METAP2: variants seen among roughly 807,000 people sequenced by gnomAD.
METAP2 encodes the protein methionyl aminopeptidase 2.
A neutral mutation model predicts 59.4 loss-of-function variants in METAP2; 25 were observed. That is an observed-to-expected ratio of 0.42 (90% CI 0.31 to 0.59). The LOEUF is 0.59. METAP2 is among the 20% of genes least tolerant of loss of function. The pLI, the probability that METAP2 is intolerant of heterozygous loss-of-function variation, is 0.16. For missense variants in METAP2, 366 were observed against 581.2 expected, an observed-to-expected ratio of 0.63 and a Z score of 3.81; for synonymous variants, 214 against 194.1, an observed-to-expected ratio of 1.10 and a Z score of -0.85.
intron 2 of METAP2, chr12:95,482,256 C>T (rs77070800): frequency 0.045 from 18,881 of 420,672 alleles, 1,025 homozygotes; most frequent in Admixed American, 0.17. Flanking sequence ...GGACTATGGG[C>T]GCATACCACC....
At chr12:95,490,348 G>A (rs1431773287) in intron 4 of METAP2, among the ~76,000 whole-genome samples, 2 of 144,094 alleles carry the variant, frequency 1.4e-5, no homozygotes, top group East Asian at 2.0e-4. Context: ...TGTATATACA[G>A]TATCCTTTTC....
rs538599264 is a variant in METAP2, at chr12:95,494,753, ATCAAATTCCTTGTCT to A, written c.591-201_591-187del. Among the ~76,000 whole-genome samples the A allele has an allele frequency of 1.5e-3, 222 of 152,268 alleles. 1 individual carries two copies. Among genetic ancestry groups the A allele is most frequent in the African/African-American group, 5.1e-3 (210 of 41,530 alleles). On this transcript the variant is annotated intron_variant, in intron 5 of 10. Coordinates refer to ENST00000323666, the MANE Select transcript of METAP2 (RefSeq NM_006838.4). ...TGTGTTTCTCTGACTTTCTAGCAGAATCAAATTCCTTGTCTTCTAAAGATATGCTATTTTCATAGC... is the reference window on the plus strand; with the variant it reads ...TGTGTTTCTCTGACTTTCTAGCAGAATCTAAAGATATGCTATTTTCATAGC...
intron 1 of METAP2, among the ~76,000 whole-genome samples, chr12:95,474,993 C>T (rs2076107400): frequency 6.6e-6 from 1 of 152,110 alleles, no homozygotes; most frequent in Admixed American, 6.6e-5. Flanking sequence ...CAATTGCAGG[C>T]AGTGCAGATA....
At chr12:95,510,023 G>A (rs569621457) in intron 8 of METAP2, among the ~76,000 whole-genome samples, 1 of 152,186 alleles carries the variant, frequency 6.6e-6, no homozygotes, top group East Asian at 1.9e-4. Flanking sequence ...TTTTAGTAGA[G>A]ATGGGGTTTC....
intron 7 of METAP2, 97 bp downstream of exon 7, chr12:95,496,195 T>G (rs2076274272): frequency 1.4e-6 from 1 of 695,714 alleles, no homozygotes; most frequent in Non-Finnish European, 2.4e-6. Flanking sequence ...AAGGCCTGTT[T>G]AAGGGCTTTG....
In METAP2 at chr12:95,496,054, AC is replaced by A; in HGVS notation, c.824del (p.Thr275SerfsTer3). ...FTVTFNPKYD[T>X]LLKAVKDATN... ...TGTCACTTTTAATCCCAAATATGAT[AC>A]GTTATTAAAAGCTGTAAAAGATGCT... On this transcript the variant is annotated frameshift_variant, in exon 7 of 11. Transcript: ENST00000323666. LOFTEE classifies it high-confidence loss of function. 6.2e-7 allele frequency: 1 copy of A among 1,600,462 alleles called. No homozygotes were observed. Among genetic ancestry groups the A allele is most frequent in the Non-Finnish European group, 8.5e-7 (1 of 1,170,082 alleles).
intron 4 of METAP2, among the ~76,000 whole-genome samples, chr12:95,492,607 C>T (rs2076247303): frequency 6.7e-6 from 1 of 150,146 alleles, no homozygotes; most frequent in South Asian, 2.1e-4. Flanking sequence ...GGTCTGTTGC[C>T]CAGGCTGGGG....
chr12:95,499,222 A>G (rs1432032322), intron 7 of METAP2, among the ~76,000 whole-genome samples: 1 of 152,070 alleles, frequency 6.6e-6, no homozygotes, highest in African/African-American at 2.4e-5. Flanking sequence ...GCTCGCTGCA[A>G]CCTGTACTTC....
intron 8 of METAP2, among the ~76,000 whole-genome samples, chr12:95,506,795 C>CTTATTTATTTATTTATTTAT (rs56755873): frequency 0.023 from 3,451 of 147,316 alleles, 44 homozygotes; most frequent in Middle Eastern, 0.035. Flanking sequence ...AAGCAGAATA[C>CTTATTTATTTATTTATTTAT]TTATTTATTT....
intron 3 of METAP2, among the ~76,000 whole-genome samples, chr12:95,485,591 A>G (rs757397257): frequency 1.3e-5 from 2 of 152,090 alleles, no homozygotes; most frequent in African/African-American, 4.8e-5. Flanking sequence ...TTCCATCTCT[A>G]GTATAGTGAG....
rs535663382 is a variant in METAP2 at position 95,513,323 on chromosome 12, T to A, written c.1185-329T>A. Among the ~76,000 whole-genome samples, 3 of 152,344 alleles carry A rather than the reference T, an allele frequency of 2.0e-5. No homozygotes were observed. The South Asian group carries it at 6.2e-4, about 32-fold the overall frequency. On this transcript the variant is annotated intron_variant, in intron 10 of 10. Transcript: ENST00000323666. Reference sequence around the variant, plus strand: ...CATTTACATCTTTTATATGCAGGTCTTTGAGCTTGCTGCACACAAAAGGAA... The same window carrying A: ...CATTTACATCTTTTATATGCAGGTCATTGAGCTTGCTGCACACAAAAGGAA...
rs2076337179 is a variant in METAP2, at chr12:95,504,066, G to T, written c.869G>T (p.Cys290Phe). 6.2e-7 allele frequency: 1 copy of T among 1,610,534 alleles called. No homozygotes were observed. Among genetic ancestry groups the T allele is most frequent in the Non-Finnish European group, 8.5e-7 (1 of 1,178,540 alleles). The stretch of plus-strand genomic sequence containing the variant: ...AAGCATATGTTACTCTTTTTTTAGT[G>T]TGCTGGAATTGATGTTCGTCTGTGT... Reference protein sequence around the residue: ...VKDATNTGIKCAGIDVRLCDV... With the variant: ...VKDATNTGIKFAGIDVRLCDV... Residue 290 changes from cysteine to phenylalanine, a missense_variant and splice_region_variant, in exon 8 of 11, where the codon TGT (cysteine) becomes TTT (phenylalanine). By Grantham distance (205) the Cys-to-Phe change is radical. This residue lies in a region of METAP2 where 106 missense variants were observed against 221.9 expected (regional missense o/e 0.48). Transcript: ENST00000323666.
rs113519867 is a variant in METAP2 at position 95,494,006 on chromosome 12, T to C, written c.429-50T>C. ...TACTTAGTATAGTTGTCAGCTTTTA[T>C]GCTTGTTCTGCTGTTTTATCACTAA... On this transcript the variant is annotated intron_variant, in intron 4 of 10. Coordinates refer to ENST00000323666, the MANE Select transcript of METAP2 (RefSeq NM_006838.4). 12 of 1,512,084 alleles carry C rather than the reference T, an allele frequency of 7.9e-6. 1 individual carries two copies. The African/African-American group carries it at 1.1e-4, about 14-fold the overall frequency. 93.7% of individuals were successfully genotyped at this position (1,512,084 alleles called of 1,614,324 possible).
chr12:95,499,885 G>A (rs2076302547), intron 7 of METAP2, among the ~76,000 whole-genome samples: 1 of 152,124 alleles, frequency 6.6e-6, no homozygotes, highest in African/African-American at 2.4e-5. Flanking sequence ...GCAAGCAGGG[G>A]AAGTGCCAGA....
chr12:95,505,785 G>T (rs751294197), intron 8 of METAP2, among the ~76,000 whole-genome samples: 1 of 150,310 alleles, frequency 6.7e-6, no homozygotes. Flanking sequence ...ATGAGCCACC[G>T]TGCCCAACTC....
chr12:95,483,118 A>G, intron 2 of METAP2, 97 bp from the exon 3 acceptor site: 9 of 891,756 alleles, frequency 1.0e-5, no homozygotes, highest in Admixed American at 1.9e-5. Flanking sequence ...ACGTTTGTTC[A>G]TTTATTGAAT....
At chr12:95,509,888 G>A (rs11108083) in intron 8 of METAP2, among the ~76,000 whole-genome samples, 14,819 of 146,718 alleles carry the variant, frequency 0.1, 809 homozygotes, top group Non-Finnish European at 0.11. Context: ...GCCCAGACTG[G>A]AGTACAGTGG....
Position 95,513,868 on chromosome 12 carries a change from A to G in METAP2, c.1401A>G (p.Thr467=). ...AACATACCATCCTGTTGCGTCCAAC[A>G]TGTAAAGAAGTTGTCAGCAGAGGAG... ...QFEHTILLRP[T]CKEVVSRGDD... The change falls in exon 11 of 11, where the codon ACA becomes ACG. Residue 467 remains threonine (T), a synonymous_variant. Coordinates refer to ENST00000323666, the MANE Select transcript of METAP2 (RefSeq NM_006838.4). 1 of 1,614,170 alleles carries G rather than the reference A, an allele frequency of 6.2e-7. No homozygotes were observed. The highest frequency in any genetic ancestry group is 8.5e-7 in the Non-Finnish European group (1 of 1,180,006).
chr12:95,495,265 G>A, intron 6 of METAP2, 127 bp downstream of exon 6: 1 of 740,410 alleles, frequency 1.4e-6, no homozygotes, highest in South Asian at 2.4e-5. Flanking sequence ...ATTAGGAAAG[G>A]TGTGTTGAGG....
Sources: allele counts gnomAD v4.1 joint callset (sites outside exome capture counted in the v4.1 genomes callset), GRCh38; gene constraint gnomAD v4.1.1; regional missense constraint gnomAD v4.1.1; transcripts MANE v1.5; gene names NCBI Gene and HGNC (gene_info 2026-07-23, HGNC 2026-07-21).